IRF8: variants seen among roughly 807,000 people sequenced by gnomAD.
The protein encoded by IRF8 is interferon regulatory factor 8.
In IRF8, 14 loss-of-function variants were observed where a neutral mutation model predicts 48.7. That is an observed-to-expected ratio of 0.29 (90% confidence interval 0.19 to 0.45). IRF8 has a LOEUF of 0.45. IRF8 is among the 20% of genes least tolerant of loss of function. IRF8 has a pLI of 1.00. For missense variants in IRF8, 493 were observed against 580.7 expected (o/e 0.85, Z 1.55); for synonymous variants, 278 against 227.3 (o/e 1.22, Z -2.01).
chr16:85,914,291 A>T, intron 5 of IRF8, 182 bp from the exon 6 acceptor site: 2 of 681,040 alleles, frequency 2.9e-6, no homozygotes, highest in Non-Finnish European at 5.2e-6. Flanking sequence ...TGCATTTGTG[A>T]AACAATGGCT....
At chr16:85,902,537 G>A (rs552978565) in intron 1 of IRF8, among the ~76,000 whole-genome samples, 4 of 152,344 alleles carry the variant, frequency 2.6e-5, no homozygotes, top group South Asian at 4.1e-4. Flanking sequence ...TTTCCCAGAC[G>A]GCACGGACGC....
chr16:85,903,197 G>A lies in IRF8; in HGVS notation c.174+8G>A. On this transcript the variant is annotated splice_region_variant and intron_variant, in intron 2 of 8. Coordinates refer to ENST00000268638, the MANE Select transcript of IRF8 (RefSeq NM_002163.4). ...GATGCCTCCATTTTTAAGGTAAAGA[G>A]CCCAGCTCCCTTCCCCACTGTGGGC... 6.2e-7 allele frequency: 1 copy of A among 1,612,092 alleles called. No homozygotes were observed. The highest frequency in any genetic ancestry group is 8.5e-7 in the Non-Finnish European group (1 of 1,178,918).
chr16:85,919,969 G>A (rs1905483480), intron 7 of IRF8, 140 bp from the exon 8 acceptor site: 1 of 723,082 alleles, frequency 1.4e-6, no homozygotes, highest in Non-Finnish European at 2.5e-6. Flanking sequence ...TTGGCCCAAG[G>A]GCCACCAGTT....
At chr16:85,918,289 A>G (rs1905386536) in intron 6 of IRF8, 128 bp from the exon 7 acceptor site, 1 of 1,070,724 alleles carries the variant, frequency 9.3e-7, no homozygotes, top group African/African-American at 1.6e-5. Context: ...GGATTTCCCC[A>G]GAATATCAAA....
Position 85,920,357 on chromosome 16 carries a change from C to A in IRF8, c.1104+133C>A, listed in dbSNP as rs1050840265. 5.4e-5 allele frequency: 35 copies of A among 653,918 alleles called. No individual in the cohort carries two copies. In the African/African-American group the frequency reaches 6.3e-4, roughly 12 times the overall value. The allele number at this position is 653,918 out of a possible 1,614,324, so 40.5% of individuals were successfully genotyped here. ...CGCCTCCCGGGTTCAAGTGATTCTC[C>A]TGCCTCAGCCTCCCGAGTTGCTGGG... On this transcript the variant is annotated intron_variant, in intron 8 of 8. Coordinates refer to ENST00000268638, the MANE Select transcript of IRF8 (RefSeq NM_002163.4).
chr16:85,916,458 C>G (rs1905308764), intron 6 of IRF8, among the ~76,000 whole-genome samples: 1 of 152,210 alleles, frequency 6.6e-6, no homozygotes, highest in Admixed American at 6.5e-5. Flanking sequence ...TTGCAGAAGG[C>G]TCACCTGCCT....
At chr16:85,904,665 G>C (rs976125937) in intron 2 of IRF8, among the ~76,000 whole-genome samples, 1 of 152,058 alleles carries the variant, frequency 6.6e-6, no homozygotes. Flanking sequence ...CTTTCGAGGG[G>C]TCCCTTGGTG....
At chr16:85,918,029 C>A (rs8046526) in intron 6 of IRF8, among the ~76,000 whole-genome samples, 1 of 152,016 alleles carries the variant, frequency 6.6e-6, no homozygotes, top group Non-Finnish European at 1.5e-5. Context: ...GGCAGCAGAC[C>A]GCAGTGCCCT....
intron 2 of IRF8, among the ~76,000 whole-genome samples, chr16:85,906,297 T>C (rs1429654502): frequency 6.6e-6 from 1 of 152,098 alleles, no homozygotes; most frequent in Non-Finnish European, 1.5e-5. Flanking sequence ...GAGAAATAAG[T>C]TATGGTGGAG....
intron 3 of IRF8, among the ~76,000 whole-genome samples, chr16:85,910,863 C>A (rs1046549961): frequency 6.6e-6 from 1 of 152,196 alleles, no homozygotes; most frequent in South Asian, 2.1e-4. Flanking sequence ...TTCTGTAGGT[C>A]ACTGGGAATA....
At chr16:85,910,320 C>G (rs938475962) in intron 3 of IRF8, among the ~76,000 whole-genome samples, 1 of 152,188 alleles carries the variant, frequency 6.6e-6, no homozygotes, top group Non-Finnish European at 1.5e-5. Context: ...TAGCACCTAA[C>G]TCTACTGAGC....
intron 1 of IRF8, among the ~76,000 whole-genome samples, chr16:85,899,716 C>T (rs542719721): frequency 6.6e-6 from 1 of 152,308 alleles, no homozygotes; most frequent in African/African-American, 2.4e-5. Context: ...ATTAAGATTT[C>T]TGAGTCTGGC....
chr16:85,899,811 G>GA (rs1389522455), intron 1 of IRF8, among the ~76,000 whole-genome samples: 1 of 152,180 alleles, frequency 6.6e-6, no homozygotes, highest in African/African-American at 2.4e-5. Context: ...AGCATTGTTT[G>GA]AAAAAATTTA....
chr16:85,915,035 G>A (rs903203), intron 6 of IRF8, among the ~76,000 whole-genome samples: 55,375 of 152,112 alleles, frequency 0.36, 10,658 homozygotes, highest in Middle Eastern at 0.51. Flanking sequence ...AGGTGGAGTG[G>A]TGGAGCCTCT....
intron 2 of IRF8, among the ~76,000 whole-genome samples, chr16:85,905,190 C>G (rs991958712): frequency 2.0e-5 from 3 of 152,190 alleles, no homozygotes; most frequent in African/African-American, 7.2e-5. Context: ...GATCAACAGA[C>G]TTAACCAGAG....
At chr16:85,906,952 A>G (rs1456674367) in intron 2 of IRF8, among the ~76,000 whole-genome samples, 2 of 152,220 alleles carry the variant, frequency 1.3e-5, no homozygotes, top group African/African-American at 4.8e-5. Flanking sequence ...CCTGATTTAA[A>G]GTAATAAAAA....
In IRF8 at chr16:85,918,811, C is replaced by T. The variant is rs772099787; in HGVS notation, c.988+8C>T. On this transcript the variant is annotated splice_region_variant and intron_variant, in intron 7 of 8. Coordinates refer to ENST00000268638, the MANE Select transcript of IRF8 (RefSeq NM_002163.4). Reference sequence around the variant, plus strand: ...CCAGCCAGTTCTTCCGAGGTCTGTACCGTCGTCACCTTGCTGCCCCCACAT... The same window carrying T: ...CCAGCCAGTTCTTCCGAGGTCTGTATCGTCGTCACCTTGCTGCCCCCACAT... The T allele has an allele frequency of 1.9e-6, 3 of 1,605,890 alleles. No individual in the cohort carries two copies. The highest frequency in any genetic ancestry group is 2.7e-5 in the African/African-American group (2 of 74,946).
Position 85,914,501 on chromosome 16 carries a change from C to T in IRF8, c.582C>T (p.Thr194=). 6.2e-7 allele frequency: 1 copy of T among 1,614,148 alleles called. No individual in the cohort carries two copies. The highest frequency in any genetic ancestry group is 8.5e-7 in the Non-Finnish European group (1 of 1,180,028). Residue 194 remains threonine (T), a synonymous_variant, in exon 6 of 9, where the codon ACC becomes ACT. Coordinates refer to ENST00000268638, the MANE Select transcript of IRF8 (RefSeq NM_002163.4). Reference sequence around the variant, plus strand: ...TGCCGCTGGTGACGGGGTACACCACCTACGACGCGCACCATTCAGGTACGG... The same window carrying T: ...TGCCGCTGGTGACGGGGTACACCACTTACGACGCGCACCATTCAGGTACGG... ...TGVPLVTGYT[T]YDAHHSAFSQ...
intron 6 of IRF8, among the ~76,000 whole-genome samples, chr16:85,915,198 C>T (rs1255639563): frequency 6.6e-6 from 1 of 152,116 alleles, no homozygotes; most frequent in African/African-American, 2.4e-5. Flanking sequence ...GGCTAAGGAC[C>T]CTGGCTGCAC....
Sources: allele counts gnomAD v4.1 joint callset (sites outside exome capture counted in the v4.1 genomes callset), GRCh38; gene constraint gnomAD v4.1.1; transcripts MANE v1.5; gene names NCBI Gene and HGNC (gene_info 2026-07-23, HGNC 2026-07-21).